MTX3: variants seen among roughly 807,000 people sequenced by gnomAD.
MTX3 encodes metaxin 3.
In MTX3, 27 loss-of-function variants were observed where a neutral mutation model predicts 42.5. The ratio of observed to expected loss-of-function variants is 0.64; its 90% confidence interval spans 0.47 to 0.88. The LOEUF (loss-of-function observed/expected upper bound fraction) is 0.88, where lower values mean the gene tolerates loss of function less well. Among genes scored for constraint, MTX3 ranks in the 40% least tolerant of loss-of-function variants. MTX3 has a pLI of 0.00. For missense variants in MTX3, 378 were observed against 367.0 expected (o/e 1.03, Z -0.25); for synonymous variants, 144 against 132.9 (o/e 1.08, Z -0.57).
At position 79,990,177 on chromosome 5, in the gene MTX3, TTAG is replaced by T. The variant is rs1450290345; in HGVS notation, c.208_210del (p.Leu70del). On this transcript the variant is annotated inframe_deletion, in exon 3 of 9. Transcript: ENST00000512528. Reference sequence around the variant, plus strand: ...CCACCCACCTGTTTTCTTAAAAAGTTTAGTATTTTTGCTGGCTGAGAAACCATG... The same window carrying T: ...CCACCCACCTGTTTTCTTAAAAAGTTTATTTTTGCTGGCTGAGAAACCATG... The T allele has an allele frequency of 1.9e-6, 3 of 1,609,638 alleles. No homozygotes were observed. The highest frequency in any genetic ancestry group is 2.5e-6 in the Non-Finnish European group (3 of 1,177,836).
At position 79,983,457 on chromosome 5, in the gene MTX3, C is replaced by T. The variant is rs905088300; in HGVS notation, c.*227G>A. 9.5e-6 allele frequency: 5 copies of T among 528,724 alleles called. No individual in the cohort carries two copies. Among genetic ancestry groups the T allele is most frequent in the South Asian group, 2.1e-5 (1 of 47,024 alleles). 32.8% of individuals were successfully genotyped at this position (528,724 alleles called of 1,614,324 possible). On this transcript the variant is annotated 3_prime_UTR_variant, in exon 9 of 9. Coordinates refer to ENST00000512528, the MANE Select transcript of MTX3 (RefSeq NM_001363818.2). ...AGTACGATGTGTTTTTCTTCCCCGCCCCCCCAACCAAGTTCATTTAGCATT... is the reference window on the plus strand; with the variant it reads ...AGTACGATGTGTTTTTCTTCCCCGCTCCCCCAACCAAGTTCATTTAGCATT...
chr5:79,983,768 A>C lies in MTX3; in HGVS notation c.855T>G (p.Pro285=). The part of the protein sequence containing the change: ...EKMDDNLRQS[P]QLPPRKLPTL... ...TTGGCAGTTTCCGAGGAGGAAGCTG[A>C]GGGCTTTGGCGAAGATTGTCATCCA... Residue 285 remains proline, a synonymous_variant, in exon 9 of 9, where the codon CCT becomes CCG. Transcript: ENST00000512528. 6.2e-7 allele frequency: 1 copy of C among 1,613,616 alleles called. No individual in the cohort carries two copies. The highest frequency in any genetic ancestry group is 1.3e-5 in the African/African-American group (1 of 75,046).
intron 6 of MTX3, among the ~76,000 whole-genome samples, chr5:79,987,438 C>T (rs981747061): frequency 1.3e-5 from 1 of 78,394 alleles, no homozygotes; most frequent in Admixed American, 1.6e-4. Context: ...AAGACTCCAT[C>T]TCAAAAAAAA....
intron 8 of MTX3, among the ~76,000 whole-genome samples, chr5:79,984,616 G>A (rs1457587770): frequency 6.7e-6 from 1 of 148,770 alleles, no homozygotes; most frequent in African/African-American, 2.5e-5. Flanking sequence ...ATTACTATTT[G>A]TATCAGGAAA....
rs1831388875 is a variant in MTX3 at position 79,982,218 on chromosome 5, C to CT, written c.*1465dup. 1.3e-5 allele frequency: 4 copies of CT among 296,326 alleles called. No individual in the cohort carries two copies. The Admixed American group carries it at 1.7e-4, about 13-fold the overall frequency. 18.4% of individuals were successfully genotyped at this position (296,326 alleles called of 1,614,324 possible). ...AAACAGATGACCAAGATTTTGAAGA[C>CT]TACCTTATTTCTCACTTAGTTAAAA... On this transcript the variant is annotated 3_prime_UTR_variant, in exon 9 of 9. Transcript: ENST00000512528.
chr5:79,984,977 CTTTGT>C (rs1426685723), intron 8 of MTX3, among the ~76,000 whole-genome samples: 23 of 151,980 alleles, frequency 1.5e-4, no homozygotes, highest in Non-Finnish European at 2.1e-4. Context: ...AGTGTTTTTG[CTTTGT>C]TTTTTTTTGT....
At position 79,980,597 on chromosome 5, in the gene MTX3, T is replaced by C. The variant is rs1046465870; in HGVS notation, c.*3087A>G. On this transcript the variant is annotated 3_prime_UTR_variant, in exon 9 of 9. Coordinates refer to ENST00000512528, the MANE Select transcript of MTX3 (RefSeq NM_001363818.2). Reference sequence around the variant, plus strand: ...AAAAAAAAATCAATCTGATGGATGATTGATGGTAGTTTGTTCATGGAAGAT... The same window carrying C: ...AAAAAAAAATCAATCTGATGGATGACTGATGGTAGTTTGTTCATGGAAGAT... 6.6e-6 allele frequency: 1 copy of C among 151,866 alleles called. No individual in the cohort carries two copies. The highest frequency in any genetic ancestry group is 1.5e-5 in the Non-Finnish European group (1 of 67,992). 9.4% of individuals were successfully genotyped at this position (151,866 alleles called of 1,614,324 possible).
chr5:79,987,916 A>C (rs1429769426), intron 6 of MTX3, among the ~76,000 whole-genome samples: 1 of 152,124 alleles, frequency 6.6e-6, no homozygotes, highest in African/African-American at 2.4e-5. Flanking sequence ...CCCAGGTTCA[A>C]GCGATTCTCC....
Position 79,988,522 on chromosome 5 carries a change from A to G in MTX3, c.444T>C (p.Asn148=), listed in dbSNP as rs1158142701. The change falls in exon 5 of 9, where the codon AAT becomes AAC. Residue 148 remains asparagine (N), a synonymous_variant. Transcript: ENST00000512528. ...LPGRMSKGAL[N]RILLTRGQPP... Reference sequence around the variant, plus strand: ...GCTGTCCTCTGGTCAGGAGAATCCTATTCAGTGCTCCCTTAGACATTCTTC... The same window carrying G: ...GCTGTCCTCTGGTCAGGAGAATCCTGTTCAGTGCTCCCTTAGACATTCTTC... The G allele has an allele frequency of 1.2e-6, 2 of 1,613,154 alleles. No individual in the cohort carries two copies. The highest frequency in any genetic ancestry group is 1.7e-5 in the Admixed American group (1 of 59,932).
At chr5:79,985,883 A>C (rs1561282103) in intron 7 of MTX3, among the ~76,000 whole-genome samples, 3 of 151,802 alleles carry the variant, frequency 2.0e-5, no homozygotes, top group Non-Finnish European at 4.4e-5. Flanking sequence ...CACTAAGTAG[A>C]CACTGCTAAC....
rs1027788073 is a variant in MTX3 at position 79,982,471 on chromosome 5, T to C, written c.*1213A>G. The C allele has an allele frequency of 1.5e-5, 7 of 453,988 alleles. No individual in the cohort carries two copies. Among genetic ancestry groups the C allele is most frequent in the Admixed American group, 4.7e-5 (2 of 42,174 alleles). The allele number at this position is 453,988 out of a possible 1,614,324, so 28.1% of individuals were successfully genotyped here. On this transcript the variant is annotated 3_prime_UTR_variant, in exon 9 of 9. Coordinates refer to ENST00000512528, the MANE Select transcript of MTX3 (RefSeq NM_001363818.2). ...TCTTTTAAGACACTAATCAAAAACA[T>C]GGTTCTACATTTTAAAAACCTCAGA...
Position 79,990,226 on chromosome 5 carries a change from T to C in MTX3, c.162A>G (p.Pro54=). The C allele has an allele frequency of 6.2e-7, 1 of 1,608,118 alleles. No homozygotes were observed. Among genetic ancestry groups the C allele is most frequent in the Non-Finnish European group, 8.5e-7 (1 of 1,177,110 alleles). ...NTWRGSRGDV[P]ILTTEDDMVS... ...CCATGTCGTCTTCAGTTGTCAAAAT[T>C]GGTACATCGCCTATAATCAAAAAAC... Residue 54 remains proline (P), a synonymous_variant, in exon 3 of 9, where the codon CCA becomes CCG. Transcript: ENST00000512528.
Position 79,978,367 on chromosome 5 carries a change from A to G in MTX3, c.*5317T>C, listed in dbSNP as rs1196314788. On this transcript the variant is annotated 3_prime_UTR_variant, in exon 9 of 9. Transcript: ENST00000512528. ...ACTGTGGGAGGGTGAGGCGGGCAGA[A>G]TCACCTGAGGTCAGGAGTTCAAAAT... 6.6e-6 allele frequency: 1 copy of G among 152,204 alleles called. No homozygotes were observed. The highest frequency in any genetic ancestry group is 1.9e-4 in the East Asian group (1 of 5,186). 9.4% of individuals were successfully genotyped at this position (152,204 alleles called of 1,614,324 possible). A position where few individuals can be genotyped will look rare whatever the true frequency, so the allele number is the denominator to read the frequency against.
chr5:79,983,493 T>G lies in MTX3; in HGVS notation c.*191A>C. ...AGTTCATTTAGCATTCTCTTTGTTA[T>G]TAAAAATGCAGTGCCAAGCTAGAAT... On this transcript the variant is annotated 3_prime_UTR_variant, in exon 9 of 9. Coordinates refer to ENST00000512528, the MANE Select transcript of MTX3 (RefSeq NM_001363818.2). 3.5e-6 allele frequency: 2 copies of G among 564,428 alleles called. No individual in the cohort carries two copies. Among genetic ancestry groups the G allele is most frequent in the Admixed American group, 3.1e-5 (1 of 32,516 alleles). The allele number at this position is 564,428 out of a possible 1,614,324, so 35.0% of individuals were successfully genotyped here. A position where few individuals can be genotyped will look rare whatever the true frequency, so the allele number is the denominator to read the frequency against.
At position 79,989,148 on chromosome 5, in the gene MTX3, T is replaced by C; in HGVS notation, c.321+4A>G. On this transcript the variant is annotated splice_donor_region_variant and intron_variant, in intron 4 of 8. Transcript: ENST00000512528. ...AAAATACTGTAATATTTAAGAACAC[T>C]CACCACTGCAGGGAGAAGCTTCTCT... The C allele has an allele frequency of 6.3e-7, 1 of 1,582,110 alleles. No homozygotes were observed. Among genetic ancestry groups the C allele is most frequent in the South Asian group, 1.2e-5 (1 of 85,334 alleles).
At position 79,981,374 on chromosome 5, in the gene MTX3, T is replaced by C. The variant is rs920553530; in HGVS notation, c.*2310A>G. 5.9e-5 allele frequency: 9 copies of C among 152,184 alleles called. No homozygotes were observed. Among genetic ancestry groups the C allele is most frequent in the African/African-American group, 2.2e-4 (9 of 41,512 alleles). 9.4% of individuals were successfully genotyped at this position (152,184 alleles called of 1,614,324 possible). A position where few individuals can be genotyped will look rare whatever the true frequency, so the allele number is the denominator to read the frequency against. On this transcript the variant is annotated 3_prime_UTR_variant, in exon 9 of 9. Coordinates refer to ENST00000512528, the MANE Select transcript of MTX3 (RefSeq NM_001363818.2). ...GATCTGGAAGCATTATGGACTATAG[T>C]GAGAATGTAAGGCTAACAGCAGTTC...
chr5:79,985,036 C>T (rs1367104504), intron 8 of MTX3, among the ~76,000 whole-genome samples: 3 of 152,070 alleles, frequency 2.0e-5, no homozygotes, highest in Admixed American at 6.5e-5. Context: ...GGCTGGAGTG[C>T]AGTGGCACGA....
intron 7 of MTX3, among the ~76,000 whole-genome samples, chr5:79,986,465 A>G (rs531707777): frequency 1.3e-5 from 2 of 152,222 alleles, no homozygotes; most frequent in South Asian, 4.1e-4. Flanking sequence ...TCTATTTACT[A>G]TACTTCCATT....
intron 7 of MTX3, among the ~76,000 whole-genome samples, 176 bp from the exon 8 acceptor site, chr5:79,985,835 T>C (rs7734858): frequency 0.61 from 93,004 of 151,486 alleles, 28,628 homozygotes; most frequent in South Asian, 0.66. Flanking sequence ...TCGAATGCTC[T>C]AAAACTAAAC....
Sources: allele counts gnomAD v4.1 joint callset (sites outside exome capture counted in the v4.1 genomes callset), GRCh38; gene constraint gnomAD v4.1.1; transcripts MANE v1.5; gene names NCBI Gene and HGNC (gene_info 2026-07-23, HGNC 2026-07-21).